Variants in ASXL3 observed in about 807,000 individuals in gnomAD.
ASXL3 encodes putative Polycomb group protein ASXL3.
Under a neutral mutation model 170.6 loss-of-function variants are expected in ASXL3, and 34 were observed. That is an observed-to-expected ratio of 0.20 (90% CI 0.15 to 0.27). The LOEUF is 0.27. ASXL3 is among the 10% of genes least tolerant of loss of function. The pLI is 1.00. For synonymous variants in ASXL3, 1,002 were observed against 989.1 expected (o/e 1.01, Z -0.24); for missense variants, 2,592 against 2,695.3 (o/e 0.96, Z 0.85).
chr18:33,658,822 A>G (rs1257061401), intron 4 of ASXL3, among the ~76,000 whole-genome samples: 1 of 152,084 alleles, frequency 6.6e-6, no homozygotes, highest in Admixed American at 6.6e-5. Context: ...AAGATAAAGC[A>G]AATAAAGTTG....
intron 1 of ASXL3, among the ~76,000 whole-genome samples, chr18:33,592,588 T>C (rs999003898): frequency 6.6e-6 from 1 of 152,236 alleles, no homozygotes; most frequent in Non-Finnish European, 1.5e-5. Flanking sequence ...TCTGGAAATG[T>C]AGATGTTAGT....
chr18:33,746,398 C>G lies in ASXL3; in HGVS notation c.6550C>G (p.Pro2184Ala). Reference sequence around the variant, plus strand: ...TGGGATTTTGGGAAGTGGCTCCAATCCTGCCACAGGCTTGTCTGGTCAGAA... The same window carrying G: ...TGGGATTTTGGGAAGTGGCTCCAATGCTGCCACAGGCTTGTCTGGTCAGAA... ...SIGILGSGSNPATGLSGQNAQ... is the reference protein window; with the variant it reads ...SIGILGSGSNAATGLSGQNAQ... Residue 2184 changes from proline (P) to alanine (A), a missense_variant, in exon 12 of 12, where the codon CCT (proline) becomes GCT (alanine). Pro to Ala is a conservative substitution (Grantham distance 27). This residue lies in a region of ASXL3 where 2,246 missense variants were observed against 2,219.6 expected (regional missense o/e 1.01). Transcript: ENST00000269197. 1 of 1,613,890 alleles carries G rather than the reference C, an allele frequency of 6.2e-7. No homozygotes were observed. The highest frequency in any genetic ancestry group is 1.1e-5 in the South Asian group (1 of 91,076).
intron 8 of ASXL3, among the ~76,000 whole-genome samples, chr18:33,712,433 A>G (rs571784604): frequency 1.3e-5 from 2 of 152,306 alleles, no homozygotes; most frequent in East Asian, 3.9e-4. Context: ...TAAAGATGAG[A>G]TATGAAAGAA....
At chr18:33,670,296 G>A (rs1312333779) in intron 5 of ASXL3, among the ~76,000 whole-genome samples, 2 of 152,232 alleles carry the variant, frequency 1.3e-5, no homozygotes, top group African/African-American at 4.8e-5. Flanking sequence ...TGCGAGAGAA[G>A]TGCAGACACA....
chr18:33,588,172 G>T (rs2065049639), intron 1 of ASXL3, among the ~76,000 whole-genome samples: 1 of 152,018 alleles, frequency 6.6e-6, no homozygotes, highest in African/African-American at 2.4e-5. Context: ...AGTATTTTAA[G>T]ATTTCCCTTA....
intron 5 of ASXL3, among the ~76,000 whole-genome samples, chr18:33,667,868 T>C (rs768797740): frequency 2.0e-5 from 3 of 152,216 alleles, no homozygotes; most frequent in Non-Finnish European, 4.4e-5. Flanking sequence ...GCAGCACTTA[T>C]GCTACCATAG....
At chr18:33,727,191 A>G (rs1206217951) in intron 8 of ASXL3, among the ~76,000 whole-genome samples, 1 of 152,086 alleles carries the variant, frequency 6.6e-6, no homozygotes, top group Non-Finnish European at 1.5e-5. Flanking sequence ...GTGCACCGTT[A>G]TTATTTAGCC....
chr18:33,664,181 A>T (rs901092216), intron 5 of ASXL3, among the ~76,000 whole-genome samples: 8 of 152,128 alleles, frequency 5.3e-5, no homozygotes, highest in African/African-American at 1.9e-4. Flanking sequence ...TTTTCAAAGG[A>T]AAAAACTAAG....
chr18:33,646,883 G>GGGT (rs2065923422), intron 4 of ASXL3, among the ~76,000 whole-genome samples: 1 of 143,920 alleles, frequency 6.9e-6, no homozygotes, highest in African/African-American at 2.6e-5. Context: ...GGGGGAGCGG[G>GGGT]GGGGGGGGGC....
chr18:33,704,506 C>T (rs977136116), intron 8 of ASXL3, among the ~76,000 whole-genome samples: 1 of 152,012 alleles, frequency 6.6e-6, no homozygotes, highest in Non-Finnish European at 1.5e-5. Flanking sequence ...TTTTGCTACT[C>T]ATAAGTGTCC....
At chr18:33,715,143 T>C (rs2145359043) in intron 8 of ASXL3, among the ~76,000 whole-genome samples, 1 of 152,280 alleles carries the variant, frequency 6.6e-6, no homozygotes, top group East Asian at 1.9e-4. Context: ...TTCTTGCTTC[T>C]CAAAGTGTCA....
In ASXL3 at chr18:33,744,815, A is replaced by C; in HGVS notation, c.4967A>C (p.His1656Pro). The change falls in exon 12 of 12, where the codon CAT becomes CCT. Residue 1656 changes from histidine to proline, a missense_variant. By Grantham distance (77) the His-to-Pro change is moderately conservative. This residue lies in a region of ASXL3 where 2,246 missense variants were observed against 2,219.6 expected (regional missense o/e 1.01). Transcript: ENST00000269197. Reference sequence around the variant, plus strand: ...AACTACTTGAACGTGTCAGAACTTCATCCCAGGAATCTTGTAACAAATGTT... The same window carrying C: ...AACTACTTGAACGTGTCAGAACTTCCTCCCAGGAATCTTGTAACAAATGTT... ...HANYLNVSEL[H>P]PRNLVTNVAL... 1 of 1,614,034 alleles carries C rather than the reference A, an allele frequency of 6.2e-7. No homozygotes were observed. The highest frequency in any genetic ancestry group is 1.1e-5 in the South Asian group (1 of 91,080).
chr18:33,658,370 T>G (rs761644431), intron 4 of ASXL3, among the ~76,000 whole-genome samples: 1 of 152,144 alleles, frequency 6.6e-6, no homozygotes, highest in Non-Finnish European at 1.5e-5. Flanking sequence ...TGCACGAACC[T>G]GCACAGCCAA....
chr18:33,617,367 C>T (rs113969025), intron 2 of ASXL3, among the ~76,000 whole-genome samples: 4,389 of 151,946 alleles, frequency 0.029, 217 homozygotes, highest in African/African-American at 0.1. Flanking sequence ...GGCCTGCACC[C>T]GTAATCCCAG....
chr18:33,728,323 A>T (rs2067382350), intron 8 of ASXL3, among the ~76,000 whole-genome samples: 1 of 152,120 alleles, frequency 6.6e-6, no homozygotes, highest in Admixed American at 6.6e-5. Context: ...ACAATGAGTA[A>T]CTCTTTCTAC....
chr18:33,689,254 A>G (rs1054448697), intron 8 of ASXL3, among the ~76,000 whole-genome samples: 5 of 152,208 alleles, frequency 3.3e-5, no homozygotes, highest in Admixed American at 3.3e-4. Flanking sequence ...TCGGCCTCCC[A>G]AAGTGCTGGG....
chr18:33,649,847 T>C (rs2065970434), intron 4 of ASXL3, among the ~76,000 whole-genome samples: 1 of 152,038 alleles, frequency 6.6e-6, no homozygotes, highest in Non-Finnish European at 1.5e-5. Flanking sequence ...GAGAGTGGAA[T>C]GCATGGATTG....
At chr18:33,720,129 G>A (rs2067234574) in intron 8 of ASXL3, among the ~76,000 whole-genome samples, 1 of 151,922 alleles carries the variant, frequency 6.6e-6, no homozygotes, top group Admixed American at 6.6e-5. Context: ...CCAGACTTGG[G>A]GGCTCTCCTA....
In ASXL3 at chr18:33,714,970, T is replaced by G. The variant is rs112932330; in HGVS notation, c.880-16998T>G. 8.9e-3 allele frequency among the ~76,000 whole-genome samples: 1,357 copies of G among 152,306 alleles called. 9 individuals are homozygous for G. The highest frequency in any genetic ancestry group is 0.015 in the Admixed American group (227 of 15,296). ...AAGTTACCTAACAAGGACAGCTGAT[T>G]GCAAAGCTTCAAATCCCAGTGAGAG... On this transcript the variant is annotated intron_variant, in intron 8 of 11. Transcript: ENST00000269197.
Sources: gnomAD v4.1 joint callset for allele counts (sites outside exome capture counted in the v4.1 genomes callset) on GRCh38, gnomAD v4.1.1 for gene constraint, gnomAD v4.1.1 regional missense constraint, MANE v1.5 for transcripts, NCBI Gene and HGNC (gene_info 2026-07-23, HGNC 2026-07-21) for gene names.